ELL: variants seen among roughly 807,000 people sequenced by gnomAD.
The protein encoded by ELL is elongation factor for RNA polymerase II.
In ELL, 18 loss-of-function variants were observed where a neutral mutation model predicts 64.0. That is an observed-to-expected ratio of 0.28 (90% CI 0.19 to 0.42). The LOEUF (loss-of-function observed/expected upper bound fraction) is 0.42. Ranked by LOEUF, ELL falls within the 10% of genes least tolerant of loss-of-function variation. The probability of loss-of-function intolerance (pLI) is 1.00; values close to 1 mark genes in which losing one functional copy is unlikely to be tolerated. For synonymous variants in ELL, 399 were observed against 376.2 expected (o/e 1.06, Z -0.70); for missense variants, 797 against 870.4 (o/e 0.92, Z 1.06).
chr19:18,483,299 C>G (rs1378167210), intron 1 of ELL, among the ~76,000 whole-genome samples: 7 of 152,218 alleles, frequency 4.6e-5, no homozygotes, highest in Non-Finnish European at 1.5e-5. Flanking sequence ...CACCGCCCAC[C>G]TGGCAGTTGC....
At chr19:18,448,597 C>T (rs1484478331) in intron 8 of ELL, 1 of 152,316 alleles carries the variant, frequency 6.6e-6, no homozygotes, top group Non-Finnish European at 1.5e-5. Flanking sequence ...ATGCTCCCGC[C>T]ACGCAGTGGA....
chr19:18,491,355 C>T (rs891007568), intron 1 of ELL, among the ~76,000 whole-genome samples: 1 of 142,026 alleles, frequency 7.0e-6, no homozygotes, highest in Admixed American at 7.9e-5. Flanking sequence ...TTTAGCAATC[C>T]TTTTGCCTCA....
intron 1 of ELL, among the ~76,000 whole-genome samples, chr19:18,481,327 C>T (rs971859676): frequency 1.3e-5 from 2 of 152,196 alleles, no homozygotes; most frequent in Non-Finnish European, 2.9e-5. Context: ...GGCCAGAAGT[C>T]TGAAATCCAA....
intron 1 of ELL, among the ~76,000 whole-genome samples, chr19:18,510,463 A>G (rs574549493): frequency 8.5e-5 from 13 of 152,180 alleles, no homozygotes; most frequent in African/African-American, 3.1e-4. Context: ...TGTCATCTCC[A>G]CTCAGCCCCA....
intron 1 of ELL, among the ~76,000 whole-genome samples, chr19:18,502,848 C>T (rs1164619598): frequency 1.3e-5 from 2 of 152,216 alleles, no homozygotes; most frequent in African/African-American, 4.8e-5. Context: ...AATGCGGAAT[C>T]CAAAAGCCCC....
rs1439016485 is a variant in ELL at position 18,444,302 on chromosome 19, C to T, written c.*450G>A. ...ATACTGCAGGCAGGACCCAGGGCAG[C>T]GGCTAGACCCTGGGTGTCCGAGGAG... On this transcript the variant is annotated 3_prime_UTR_variant, in exon 12 of 12. Transcript: ENST00000262809. 4 of 237,578 alleles carry T rather than the reference C, an allele frequency of 1.7e-5. No homozygotes were observed. The highest frequency in any genetic ancestry group is 5.3e-5 in the Admixed American group (1 of 18,904). 14.7% of individuals were successfully genotyped at this position (237,578 alleles called of 1,614,324 possible).
rs1455723388 is a variant in ELL at position 18,451,067 on chromosome 19, G to A, written c.967-92C>T. On this transcript the variant is annotated intron_variant, in intron 7 of 11. Coordinates refer to ENST00000262809, the MANE Select transcript of ELL (RefSeq NM_006532.4). ...TGGCCTGGCTAGAAAACCCAACGCC[G>A]CCTGCAAGGCCCACGCTGGCCACAT... is the stretch of plus-strand genomic sequence containing the variant. 1.4e-5 allele frequency: 20 copies of A among 1,402,806 alleles called. No homozygotes were observed. The South Asian group carries it at 1.6e-4, about 11-fold the overall frequency. 86.9% of individuals were successfully genotyped at this position (1,402,806 alleles called of 1,614,324 possible). A position where few individuals can be genotyped will look rare whatever the true frequency, so the allele number is the denominator to read the frequency against.
intron 1 of ELL, chr19:18,475,930 AG>A (rs1472572552): frequency 6.6e-6 from 1 of 152,264 alleles, no homozygotes; most frequent in African/African-American, 2.4e-5. Flanking sequence ...ACACACGGCG[AG>A]TTCTGGAACA....
intron 1 of ELL, among the ~76,000 whole-genome samples, chr19:18,515,922 C>G (rs10402322): frequency 0.32 from 48,582 of 151,976 alleles, 9,717 homozygotes; most frequent in African/African-American, 0.57. Flanking sequence ...CCATAAACTT[C>G]CTCTCCCGGC....
intron 6 of ELL, 28 bp downstream of exon 6, chr19:18,458,177 C>G: frequency 1.2e-6 from 2 of 1,603,856 alleles, no homozygotes; most frequent in Non-Finnish European, 8.5e-7. Flanking sequence ...CGGGTGGGGA[C>G]ATGCTGGGGG....
At chr19:18,505,495 T>C (rs962183794) in intron 1 of ELL, among the ~76,000 whole-genome samples, 2 of 152,168 alleles carry the variant, frequency 1.3e-5, no homozygotes, top group African/African-American at 4.8e-5. Flanking sequence ...CACACACACA[T>C]GCTCTTCACC....
chr19:18,478,027 G>A (rs980643886), intron 1 of ELL, among the ~76,000 whole-genome samples: 2 of 152,112 alleles, frequency 1.3e-5, no homozygotes, highest in African/African-American at 4.8e-5. Flanking sequence ...GCCAATCAAG[G>A]GCCCAGGAGG....
chr19:18,443,596 A>G lies in ELL; in HGVS notation c.*1156T>C, dbSNP rs1463873074. On this transcript the variant is annotated 3_prime_UTR_variant, in exon 12 of 12. Transcript: ENST00000262809. ...GGGGTCCCCACATACGCACACTCACACACCCACACTTGCGTGGCCCCCCGA... is the reference window on the plus strand; with the variant it reads ...GGGGTCCCCACATACGCACACTCACGCACCCACACTTGCGTGGCCCCCCGA... The G allele has an allele frequency of 4.3e-6, 1 of 233,130 alleles. No individual in the cohort carries two copies. The highest frequency in any genetic ancestry group is 8.5e-6 in the Non-Finnish European group (1 of 117,962). 14.4% of individuals were successfully genotyped at this position (233,130 alleles called of 1,614,324 possible). A position where few individuals can be genotyped will look rare whatever the true frequency, so the allele number is the denominator to read the frequency against.
intron 6 of ELL, 52 bp from the exon 7 acceptor site, chr19:18,451,700 C>T (rs967831144): frequency 6.4e-6 from 9 of 1,415,610 alleles, no homozygotes; most frequent in Non-Finnish European, 8.3e-6. Context: ...GGCCTAGGGG[C>T]CCCAGGCCTG....
At chr19:18,484,115 T>C (rs1975362617) in intron 1 of ELL, among the ~76,000 whole-genome samples, 1 of 152,242 alleles carries the variant, frequency 6.6e-6, no homozygotes, top group Non-Finnish European at 1.5e-5. Flanking sequence ...TAGCGCACTC[T>C]GCAGTGTCTG....
At chr19:18,459,542 T>C (rs1483768752) in intron 5 of ELL, among the ~76,000 whole-genome samples, 3 of 149,410 alleles carry the variant, frequency 2.0e-5, no homozygotes, top group Non-Finnish European at 4.5e-5. Context: ...TTTTTTGAGA[T>C]GGAGTCTCGC....
At chr19:18,464,245 T>C (rs923266052) in intron 4 of ELL, among the ~76,000 whole-genome samples, 2 of 152,248 alleles carry the variant, frequency 1.3e-5, no homozygotes, top group Admixed American at 1.3e-4. Flanking sequence ...GGCACACACC[T>C]GTGGTCCCAG....
At position 18,471,373 on chromosome 19, in the gene ELL, T is replaced by TA. The variant is rs754122489; in HGVS notation, c.183+1461dup. ...CTCGGCAACAGAGAGACTCATCTCTTAAAAAACAAAACAAGGCTGGGCGTG... is the reference window on the plus strand; with the variant it reads ...CTCGGCAACAGAGAGACTCATCTCTTAAAAAAACAAAACAAGGCTGGGCGTG... On this transcript the variant is annotated intron_variant, in intron 2 of 11. Coordinates refer to ENST00000262809, the MANE Select transcript of ELL (RefSeq NM_006532.4). 5.4e-4 allele frequency: 241 copies of TA among 448,220 alleles called. 2 individuals carry two copies. Among genetic ancestry groups the TA allele is most frequent in the Non-Finnish European group, 7.1e-4 (160 of 223,808 alleles). The allele number at this position is 448,220 out of a possible 1,614,324, so 27.8% of individuals were successfully genotyped here. A position where few individuals can be genotyped will look rare whatever the true frequency, so the allele number is the denominator to read the frequency against.
chr19:18,468,012 CCA>C (rs571227869), intron 2 of ELL, among the ~76,000 whole-genome samples: 13 of 148,766 alleles, frequency 8.7e-5, no homozygotes, highest in African/African-American at 3.2e-4. Flanking sequence ...CAAACACAAC[CCA>C]CACACACAAC....
Sources: gnomAD v4.1 joint callset for allele counts (sites outside exome capture counted in the v4.1 genomes callset) on GRCh38, gnomAD v4.1.1 for gene constraint, MANE v1.5 for transcripts, NCBI Gene and HGNC (gene_info 2026-07-23, HGNC 2026-07-21) for gene names.